The following ROR2 variants were observed in gnomAD, a reference collection of about 807,000 sequenced individuals.
The protein encoded by ROR2 is tyrosine-protein kinase transmembrane receptor ROR2.
ROR2 carries 33 observed loss-of-function variants against 74.9 expected under a neutral mutation model. The ratio of observed to expected loss-of-function variants is 0.44; its 90% CI spans 0.33 to 0.59. The LOEUF is 0.59. ROR2 is among the 20% of genes least tolerant of loss of function. The probability of loss-of-function intolerance (pLI) is 0.02; values close to 1 mark genes in which losing one functional copy is unlikely to be tolerated. For missense variants in ROR2, 1,216 were observed against 1,313.8 expected (o/e 0.93, Z 1.15); for synonymous variants, 586 against 558.7 (o/e 1.05, Z -0.69).
At position 91,950,050 on chromosome 9, in the gene ROR2, C is replaced by T. The variant is rs1475756562; in HGVS notation, c.-87G>A. The T allele has an allele frequency of 3.5e-6, 2 of 577,494 alleles. No individual in the cohort carries two copies. The highest frequency in any genetic ancestry group is 3.1e-5 in the South Asian group (1 of 32,518). 35.8% of individuals were successfully genotyped at this position (577,494 alleles called of 1,614,324 possible). A position where few individuals can be genotyped will look rare whatever the true frequency, so the allele number is the denominator to read the frequency against. On this transcript the variant is annotated 5_prime_UTR_variant, in exon 1 of 9. Coordinates refer to ENST00000375708, the MANE Select transcript of ROR2 (RefSeq NM_004560.4). Reference sequence around the variant, plus strand: ...CCACCACCCCTTTCTACGATGCGTCCGCTCCTCCTTCTCCCTGGCGCTTCG... The same window carrying T: ...CCACCACCCCTTTCTACGATGCGTCTGCTCCTCCTTCTCCCTGGCGCTTCG...
At chr9:91,888,986 AACTG>A (rs1421251803) in intron 1 of ROR2, among the ~76,000 whole-genome samples, 1 of 150,914 alleles carries the variant, frequency 6.6e-6, no homozygotes, top group Non-Finnish European at 1.5e-5. Flanking sequence ...TTTGCTTTCT[AACTG>A]ACTCTGAACA....
chr9:91,859,193 ATTCCTTTTTT>A (rs1829392153), intron 1 of ROR2, among the ~76,000 whole-genome samples: 1 of 121,742 alleles, frequency 8.2e-6, no homozygotes. Flanking sequence ...ATCTGAAAGT[ATTCCTTTTTT>A]TTTTTTTTTT....
chr9:91,857,716 T>A (rs1176270435), intron 1 of ROR2, among the ~76,000 whole-genome samples: 2 of 151,450 alleles, frequency 1.3e-5, no homozygotes, highest in Non-Finnish European at 2.9e-5. Context: ...GGAGCTTAAA[T>A]CCCCTCCCCT....
At chr9:91,859,047 G>A (rs1025735223) in intron 1 of ROR2, among the ~76,000 whole-genome samples, 10 of 152,104 alleles carry the variant, frequency 6.6e-5, no homozygotes, top group African/African-American at 1.2e-4. Context: ...CAAAGGGCTC[G>A]GGAGCCAGGC....
At chr9:91,906,395 G>A (rs1228719659) in intron 1 of ROR2, among the ~76,000 whole-genome samples, 1 of 152,152 alleles carries the variant, frequency 6.6e-6, no homozygotes, top group Non-Finnish European at 1.5e-5. Flanking sequence ...AACCTTAAAG[G>A]GTGGCTCTGC....
At chr9:91,761,402 C>T (rs893355638) in intron 2 of ROR2, among the ~76,000 whole-genome samples, 1 of 138,806 alleles carries the variant, frequency 7.2e-6, no homozygotes, top group Non-Finnish European at 1.6e-5. Flanking sequence ...AGCTTGTTCT[C>T]CTGCAACTAG....
At chr9:91,892,683 G>A (rs557330388) in intron 1 of ROR2, among the ~76,000 whole-genome samples, 19 of 148,910 alleles carry the variant, frequency 1.3e-4, no homozygotes, top group Non-Finnish European at 2.1e-4. Context: ...TCCACCTCCC[G>A]GGTTCAAGCA....
Position 91,723,826 on chromosome 9 carries a change from G to A in ROR2, c.2668C>T (p.Leu890Phe), listed in dbSNP as rs757170131. ...TGTGTGTCATCAGCGCCCTCTGAGA[G>A]CAGGGCTGCCCTGTCTGCCATGGAT... Reference protein sequence around the residue: ...NTSMADRAALLSEGADDTQNA... With the variant: ...NTSMADRAALFSEGADDTQNA... The change falls in exon 9 of 9, where the codon CTC (leucine) becomes TTC (phenylalanine). Residue 890 changes from leucine to phenylalanine, a missense_variant. Physicochemically the swap from Leu to Phe is conservative, Grantham distance 22. Transcript: ENST00000375708. 2.5e-5 allele frequency: 41 copies of A among 1,613,874 alleles called. No homozygotes were observed. In the South Asian group the frequency reaches 4.5e-4, roughly 18 times the overall value.
chr9:91,757,639 C>T (rs1825802198), intron 2 of ROR2, 80 bp from the exon 3 acceptor site: 2 of 1,521,836 alleles, frequency 1.3e-6, no homozygotes, highest in South Asian at 2.4e-5. Context: ...CTGCTATGAA[C>T]TCTTCCAAGG....
intron 1 of ROR2, among the ~76,000 whole-genome samples, chr9:91,827,659 GGTCCAATGTACAGATCA>G (rs1311224313): frequency 2.6e-5 from 4 of 152,134 alleles, no homozygotes; most frequent in Non-Finnish European, 4.4e-5. Context: ...TCAAGAGACT[GGTCCAATGTACAGATCA>G]GTCCAATGTA....
rs879432849 is a variant in ROR2, at chr9:91,905,825, CT to C, written c.97+44041del. On this transcript the variant is annotated intron_variant, in intron 1 of 8. Transcript: ENST00000375708. The surrounding 1 kb of genome is among the most constrained non-coding windows in gnomAD (Gnocchi z 5.3). ...AGAACTAAGAGAGGGAGCCAATCAA[CT>C]TTTTTTTTTTAAGAGCTAAGAGCAG... Among the ~76,000 whole-genome samples, 268 of 147,120 alleles carry C rather than the reference CT, an allele frequency of 1.8e-3. No individual in the cohort carries two copies. Among genetic ancestry groups the C allele is most frequent in the Admixed American group, 2.5e-3 (37 of 14,750 alleles).
intron 1 of ROR2, among the ~76,000 whole-genome samples, chr9:91,796,206 C>G (rs959436758): frequency 1.4e-4 from 22 of 152,132 alleles, no homozygotes; most frequent in African/African-American, 5.3e-4. Flanking sequence ...CTTTGAGAGG[C>G]TGAGGCAGGT....
At chr9:91,940,992 A>G (rs1327090115) in intron 1 of ROR2, among the ~76,000 whole-genome samples, 2 of 137,596 alleles carry the variant, frequency 1.5e-5, no homozygotes, top group Non-Finnish European at 3.1e-5. Flanking sequence ...AACATTTTTA[A>G]TTCTTTTTTT....
chr9:91,813,341 T>C (rs758634082), intron 1 of ROR2, among the ~76,000 whole-genome samples: 2 of 152,212 alleles, frequency 1.3e-5, no homozygotes, highest in Non-Finnish European at 2.9e-5. Context: ...TACAAAACTC[T>C]GACTTGTCTA....
At chr9:91,902,691 TAAG>T (rs1830704868) in intron 1 of ROR2, among the ~76,000 whole-genome samples, 1 of 152,192 alleles carries the variant, frequency 6.6e-6, no homozygotes, top group South Asian at 2.1e-4. Context: ...AAGCTCACTG[TAAG>T]AAGAAACCGC....
At chr9:91,919,775 G>C (rs1250827786) in intron 1 of ROR2, among the ~76,000 whole-genome samples, 2 of 152,160 alleles carry the variant, frequency 1.3e-5, no homozygotes, top group African/African-American at 2.4e-5. Flanking sequence ...GTTTCACCCA[G>C]CCTGGCCGAT....
chr9:91,880,932 T>C (rs1830089790), intron 1 of ROR2, among the ~76,000 whole-genome samples: 1 of 152,214 alleles, frequency 6.6e-6, no homozygotes, highest in South Asian at 2.1e-4. Flanking sequence ...GGTCTGATGG[T>C]GGTCATGCAT....
intron 5 of ROR2, among the ~76,000 whole-genome samples, chr9:91,735,215 C>A (rs1824979650): frequency 6.6e-6 from 1 of 152,212 alleles, no homozygotes; most frequent in Admixed American, 6.5e-5. Context: ...TCCAACAACT[C>A]ACATCCTGTT....
intron 1 of ROR2, among the ~76,000 whole-genome samples, chr9:91,941,169 T>C (rs939372493): frequency 6.6e-6 from 1 of 151,722 alleles, no homozygotes; most frequent in Non-Finnish European, 1.5e-5. Flanking sequence ...AGCTAATTTT[T>C]TGTATTTTTA....
Sources: gnomAD v4.1 joint callset for allele counts (sites outside exome capture counted in the v4.1 genomes callset) on GRCh38, gnomAD v4.1.1 for gene constraint, Gnocchi (gnomAD v3.1) non-coding constraint, MANE v1.5 for transcripts, NCBI Gene and HGNC (gene_info 2026-07-23, HGNC 2026-07-21) for gene names.